Variants in CRB1 observed in about 807,000 individuals in gnomAD.
CRB1 encodes protein crumbs homolog 1.
Under a neutral mutation model 120.0 loss-of-function variants are expected in CRB1, and 83 were observed. That is an observed-to-expected ratio of 0.69 (90% CI 0.58 to 0.83). CRB1 has a LOEUF of 0.83. CRB1 is among the 40% of genes least tolerant of loss of function. The pLI is 0.00. For missense variants in CRB1, 1,699 were observed against 1,687.6 expected (o/e 1.01, Z -0.12); for synonymous variants, 625 against 612.5 (o/e 1.02, Z -0.30).
chr1:197,233,736 A>G, the CRB1 span, among the ~76,000 whole-genome samples: 1 of 152,228 alleles, frequency 6.6e-6, no homozygotes, highest in Non-Finnish European at 1.5e-5. Context: ...CTGTTGACTT[A>G]TTCAAGGTCC....
intron 1 of CRB1, among the ~76,000 whole-genome samples, chr1:197,326,666 G>A (rs1658510227): frequency 6.6e-6 from 1 of 151,780 alleles, no homozygotes. Flanking sequence ...ATTTAAAAAT[G>A]TATAATCAGA....
intron 1 of CRB1, among the ~76,000 whole-genome samples, chr1:197,313,142 A>T (rs914056409): frequency 2.6e-4 from 40 of 152,168 alleles, no homozygotes; most frequent in African/African-American, 3.6e-4. Context: ...GGGAAAGAGA[A>T]TGTGTGGTGG....
the CRB1 span, among the ~76,000 whole-genome samples, chr1:197,216,288 A>G: frequency 6.6e-6 from 1 of 152,186 alleles, no homozygotes; most frequent in African/African-American, 2.4e-5. Flanking sequence ...CCATATTAAC[A>G]TGGGTGCTTG....
the CRB1 span, among the ~76,000 whole-genome samples, chr1:197,224,312 G>C: frequency 6.6e-6 from 1 of 152,024 alleles, no homozygotes; most frequent in Non-Finnish European, 1.5e-5. Context: ...ACATTTAAAA[G>C]AATTTTAGAC....
chr1:197,363,776 G>T, intron 5 of CRB1: 1 of 661,770 alleles, frequency 1.5e-6, no homozygotes, highest in Non-Finnish European at 2.8e-6. Context: ...CTGGCAACGG[G>T]TCTTTGTGGC....
rs375443422 is a variant in CRB1 at position 197,286,286 on chromosome 1, C to G, written c.70+17804C>G. Among the ~76,000 whole-genome samples the G allele has an allele frequency of 3.3e-5, 5 of 152,022 alleles. No individual in the cohort carries two copies. The East Asian group carries it at 9.7e-4, about 30-fold the overall frequency. ...AACCTCATTTATTGAGAACCGAATACTTAGAATTGTATACAAACTCTGAAT... is the reference window on the plus strand; with the variant it reads ...AACCTCATTTATTGAGAACCGAATAGTTAGAATTGTATACAAACTCTGAAT... On this transcript the variant is annotated intron_variant, in intron 1 of 11. Transcript: ENST00000367400.
chr1:197,276,757 C>T (rs1315165452), intron 1 of CRB1, among the ~76,000 whole-genome samples: 4 of 151,846 alleles, frequency 2.6e-5, no homozygotes, highest in Non-Finnish European at 4.4e-5. Flanking sequence ...TTGAGTAAAA[C>T]AGGGCAAATT....
chr1:197,450,957 CAAAAAAAA>C (rs11288525), intron 11 of CRB1, among the ~76,000 whole-genome samples: 3 of 56,626 alleles, frequency 5.3e-5, no homozygotes, highest in African/African-American at 7.5e-5. Flanking sequence ...GACTCCGTCC[CAAAAAAAA>C]AAAAAAAAAA....
chr1:197,255,558 A>G, the CRB1 span, among the ~76,000 whole-genome samples: 2 of 152,116 alleles, frequency 1.3e-5, no homozygotes, highest in South Asian at 2.1e-4. Flanking sequence ...ATTAGTAATT[A>G]TAAGAAGGAG....
chr1:197,428,834 C>G, intron 7 of CRB1: 1 of 808,484 alleles, frequency 1.2e-6, no homozygotes, highest in Non-Finnish European at 1.9e-6. Flanking sequence ...TGTAACTAGC[C>G]TAAATCATAT....
chr1:197,202,678 G>A, the CRB1 span, among the ~76,000 whole-genome samples: 1 of 152,138 alleles, frequency 6.6e-6, no homozygotes, highest in South Asian at 2.1e-4. Context: ...TCTGATAAGA[G>A]CAAATAATGA....
intron 1 of CRB1, among the ~76,000 whole-genome samples, chr1:197,275,613 C>G (rs1375150098): frequency 6.6e-6 from 1 of 151,896 alleles, no homozygotes; most frequent in African/African-American, 2.4e-5. Context: ...AAATTTCCTC[C>G]TATGTAAATT....
At chr1:197,447,983 C>T (rs1665782002) in intron 11 of CRB1, among the ~76,000 whole-genome samples, 3 of 152,024 alleles carry the variant, frequency 2.0e-5, no homozygotes, top group Admixed American at 1.3e-4. Context: ...CACATATAAT[C>T]CACTGATAGA....
At chr1:197,461,174 C>T (rs766523766) in intron 11 of CRB1, among the ~76,000 whole-genome samples, 6 of 152,222 alleles carry the variant, frequency 3.9e-5, no homozygotes, top group Admixed American at 3.3e-4. Context: ...CCAATGTAAG[C>T]CCCTCAACTT....
At chr1:197,350,244 T>C (rs1439508750) in intron 4 of CRB1, among the ~76,000 whole-genome samples, 1 of 36,550 alleles carries the variant, frequency 2.7e-5, no homozygotes, top group African/African-American at 3.8e-5. Flanking sequence ...ATGTTTCCTG[T>C]TTATTAACTG....
rs145954992 is a variant in CRB1, at chr1:197,451,856, A to G, written c.4005+9564A>G. Among the ~76,000 whole-genome samples the G allele has an allele frequency of 8.5e-5, 13 of 152,352 alleles. No individual in the cohort carries two copies. The South Asian group carries it at 2.5e-3, about 29-fold the overall frequency. On this transcript the variant is annotated intron_variant, in intron 11 of 11. Coordinates refer to ENST00000367400, the MANE Select transcript of CRB1 (RefSeq NM_201253.3). ...AAATTGTAGGATGTCCCTTATAGGA[A>G]GATTAAGTGAATGCTATTTCCACCA...
intron 8 of CRB1, among the ~76,000 whole-genome samples, chr1:197,431,967 G>A (rs184431160): frequency 1.3e-5 from 2 of 152,074 alleles, no homozygotes; most frequent in African/African-American, 4.8e-5. Context: ...AAAAGATTAA[G>A]TCTAATGGAA....
chr1:197,237,940 A>T, the CRB1 span, among the ~76,000 whole-genome samples: 2 of 152,016 alleles, frequency 1.3e-5, no homozygotes. Context: ...AGTAGCTTCA[A>T]TTATGGATTT....
At chr1:197,342,291 GC>G (rs1373557737) in intron 2 of CRB1, among the ~76,000 whole-genome samples, 1 of 152,128 alleles carries the variant, frequency 6.6e-6, no homozygotes, top group East Asian at 1.9e-4. Flanking sequence ...CTGTCGCCTG[GC>G]CTTTCCATAC....
Sources: gnomAD v4.1 joint callset for allele counts (sites outside exome capture counted in the v4.1 genomes callset) on GRCh38, gnomAD v4.1.1 for gene constraint, MANE v1.5 for transcripts, NCBI Gene and HGNC (gene_info 2026-07-23, HGNC 2026-07-21) for gene names.